The following SRSF3 variants were observed in gnomAD, a reference collection of about 807,000 sequenced individuals.
SRSF3 encodes serine/arginine-rich splicing factor 3.
For missense variants in SRSF3, 58 were observed against 217.1 expected (o/e 0.27, Z 4.61); for synonymous variants, 87 against 73.6 (o/e 1.18, Z -0.93).
intron 4 of SRSF3, 134 bp from the exon 5 acceptor site, chr6:36,601,574 C>T: frequency 1.2e-6 from 1 of 806,140 alleles, no homozygotes; most frequent in South Asian, 1.9e-5. Context: ...AAACTCTTGG[C>T]TTCAAGTGAG....
At chr6:36,597,060 ATCACTGGCCAATTGTATCTTTAGATAC>A in intron 2 of SRSF3, 92 bp downstream of exon 2, 1 of 1,085,234 alleles carries the variant, frequency 9.2e-7, no homozygotes, top group South Asian at 1.3e-5. Flanking sequence ...GGCTTTCCCA[ATCACTGGCCAATTGTATCTTTAGATAC>A]AATTGGGATC....
At chr6:36,595,934 T>A (rs916165338) in intron 1 of SRSF3, among the ~76,000 whole-genome samples, 12 of 151,950 alleles carry the variant, frequency 7.9e-5, no homozygotes, top group African/African-American at 2.9e-4. Flanking sequence ...TATTTGTGGT[T>A]TTTTTTTGGC....
At position 36,596,821 on chromosome 6, in the gene SRSF3, A is replaced by G. The variant is rs757079934; in HGVS notation, c.59A>G (p.Asn20Ser). The change falls in exon 2 of 6, where the codon AAT becomes AGT. Residue 20 changes from asparagine to serine, a missense_variant. By Grantham distance (46) the Asn-to-Ser change is conservative. Coordinates refer to ENST00000373715, the MANE Select transcript of SRSF3 (RefSeq NM_003017.5). Reference sequence around the variant, plus strand: ...GTTTATGTAGGCAATCTTGGAAACAATGGCAACAAGACGGAATTGGAACGG... The same window carrying G: ...GTTTATGTAGGCAATCTTGGAAACAGTGGCAACAAGACGGAATTGGAACGG... ...CKVYVGNLGN[N>S]GNKTELERAF... The G allele has an allele frequency of 2.5e-6, 4 of 1,613,996 alleles. No individual in the cohort carries two copies. The highest frequency in any genetic ancestry group is 1.3e-5 in the African/African-American group (1 of 74,916).
At chr6:36,599,116 T>G in intron 3 of SRSF3, 133 bp downstream of exon 3, 1 of 1,160,702 alleles carries the variant, frequency 8.6e-7, no homozygotes, top group Non-Finnish European at 1.2e-6. Context: ...ATTTGTTGGG[T>G]GTAATTTGGG....
chr6:36,596,834 G>T lies in SRSF3; in HGVS notation c.72G>T (p.Thr24=). 6.2e-7 allele frequency: 1 copy of T among 1,613,996 alleles called. No homozygotes were observed. The highest frequency in any genetic ancestry group is 8.5e-7 in the Non-Finnish European group (1 of 1,180,000). The stretch of plus-strand genomic sequence containing the variant: ...ATCTTGGAAACAATGGCAACAAGAC[G>T]GAATTGGAACGGGCTTTTGGCTACT... ...VGNLGNNGNK[T]ELERAFGYYG... is the part of the protein sequence containing the mutation. Residue 24 remains threonine, a synonymous_variant, in exon 2 of 6, where the codon ACG becomes ACT. Transcript: ENST00000373715.
At position 36,602,159 on chromosome 6, in the gene SRSF3, CTA is replaced by C; in HGVS notation, c.*172_*173del. ...AACAGTGACACAAAGGTGTAATTCTCTATGGTTTGAAATGGATCATACGAGGC... is the reference window on the plus strand; with the variant it reads ...AACAGTGACACAAAGGTGTAATTCTCTGGTTTGAAATGGATCATACGAGGC... On this transcript the variant is annotated 3_prime_UTR_variant, in exon 6 of 6. Coordinates refer to ENST00000373715, the MANE Select transcript of SRSF3 (RefSeq NM_003017.5). 2 of 1,310,866 alleles carry C rather than the reference CTA, an allele frequency of 1.5e-6. No individual in the cohort carries two copies. Among genetic ancestry groups the C allele is most frequent in the South Asian group, 1.7e-5 (1 of 58,710 alleles). 81.2% of individuals were successfully genotyped at this position (1,310,866 alleles called of 1,614,324 possible).
At chr6:36,601,391 G>C in intron 4 of SRSF3, 2 of 619,242 alleles carry the variant, frequency 3.2e-6, no homozygotes, top group South Asian at 4.3e-5. Context: ...CTGTCACCCA[G>C]GCTGGAGTGC....
intron 2 of SRSF3, 44 bp from the exon 3 acceptor site, chr6:36,598,805 C>G (rs1317483996): frequency 6.2e-7 from 1 of 1,602,184 alleles, no homozygotes; most frequent in South Asian, 1.1e-5. Flanking sequence ...ATACGCATGT[C>G]AGAAAGTCAG....
rs1778782258 is a variant in SRSF3 at position 36,604,656 on chromosome 6, C to T, written c.*2667C>T. On this transcript the variant is annotated 3_prime_UTR_variant, in exon 6 of 6. Transcript: ENST00000373715. ...CTGTTAGACTGCTGTCAGTGGCTTT[C>T]ACACAAACCCATATGTGGATGGAAA... 6.1e-6 allele frequency: 1 copy of T among 162,782 alleles called. No individual in the cohort carries two copies. The allele number at this position is 162,782 out of a possible 1,614,324, so 10.1% of individuals were successfully genotyped here.
At chr6:36,600,181 A>G in intron 3 of SRSF3, 6 of 1,065,844 alleles carry the variant, frequency 5.6e-6, no homozygotes, top group Non-Finnish European at 6.9e-6. Context: ...ACTAAATCCA[A>G]CGCAACATCT....
rs1778748192 is a variant in SRSF3, at chr6:36,603,164, T to C, written c.*1175T>C. ...TAAAGTATAGCAGCAACCTGGTTCT[T>C]AAACACAAAGTAAGTTGCCCATTAA... On this transcript the variant is annotated 3_prime_UTR_variant, in exon 6 of 6. Coordinates refer to ENST00000373715, the MANE Select transcript of SRSF3 (RefSeq NM_003017.5). 8.9e-6 allele frequency: 2 copies of C among 224,448 alleles called. No homozygotes were observed. The highest frequency in any genetic ancestry group is 1.8e-5 in the Non-Finnish European group (2 of 112,312). The allele number at this position is 224,448 out of a possible 1,614,324, so 13.9% of individuals were successfully genotyped here.
chr6:36,600,869 G>T, intron 3 of SRSF3: 1 of 287,456 alleles, frequency 3.5e-6, no homozygotes. Context: ...AGTTTGACAT[G>T]AAGTTTTGCA....
At chr6:36,599,060 GT>G (rs1778677154) in intron 3 of SRSF3, 77 bp downstream of exon 3, 2 of 1,537,694 alleles carry the variant, frequency 1.3e-6, no homozygotes, top group African/African-American at 2.8e-5. Context: ...TCTTAAGTTT[GT>G]TGGTGGGTTT....
Position 36,604,883 on chromosome 6 carries a change from C to T in SRSF3, c.*2894C>T, listed in dbSNP as rs1323952265. ...AGAACCACTAGTTTAGTATTTTGTC[C>T]AAGTATGCTTTTTTTCAGAGTTCTG... On this transcript the variant is annotated 3_prime_UTR_variant, in exon 6 of 6. Coordinates refer to ENST00000373715, the MANE Select transcript of SRSF3 (RefSeq NM_003017.5). 6.6e-6 allele frequency: 1 copy of T among 152,102 alleles called. No homozygotes were observed. The highest frequency in any genetic ancestry group is 1.5e-5 in the Non-Finnish European group (1 of 68,032). 9.4% of individuals were successfully genotyped at this position (152,102 alleles called of 1,614,324 possible).
chr6:36,596,380 G>T (rs1023349983), intron 1 of SRSF3, among the ~76,000 whole-genome samples: 2 of 152,202 alleles, frequency 1.3e-5, no homozygotes, highest in Admixed American at 6.5e-5. Flanking sequence ...GTCCCCAACA[G>T]AATTCTCTTC....
At chr6:36,598,231 A>G (rs981292387) in intron 2 of SRSF3, among the ~76,000 whole-genome samples, 2 of 152,218 alleles carry the variant, frequency 1.3e-5, no homozygotes, top group Admixed American at 6.5e-5. Context: ...TTAAATTGCA[A>G]CTGTTAACAA....
chr6:36,601,558 G>A (rs1778716774), intron 4 of SRSF3, 150 bp from the exon 5 acceptor site: 1 of 718,392 alleles, frequency 1.4e-6, no homozygotes. Flanking sequence ...TGTCCAATCT[G>A]TTCTCAAACT....
chr6:36,595,168 G>A (rs1778605522), intron 1 of SRSF3, among the ~76,000 whole-genome samples: 1 of 152,140 alleles, frequency 6.6e-6, no homozygotes, highest in African/African-American at 2.4e-5. Flanking sequence ...TGGTGTTTAT[G>A]GAAAGCACTT....
chr6:36,604,076 G>A lies in SRSF3; in HGVS notation c.*2087G>A, dbSNP rs374843133. On this transcript the variant is annotated 3_prime_UTR_variant, in exon 6 of 6. Coordinates refer to ENST00000373715, the MANE Select transcript of SRSF3 (RefSeq NM_003017.5). ...CTTTAGAACATGGAAATTGTTAAAA[G>A]CTTTGAATTGCACATTTAGATTGTG... The A allele has an allele frequency of 4.4e-6, 1 of 227,290 alleles. No homozygotes were observed. The highest frequency in any genetic ancestry group is 8.7e-6 in the Non-Finnish European group (1 of 114,466). The allele number at this position is 227,290 out of a possible 1,614,324, so 14.1% of individuals were successfully genotyped here.
Sources: allele counts gnomAD v4.1 joint callset (sites outside exome capture counted in the v4.1 genomes callset), GRCh38; gene constraint gnomAD v4.1.1; transcripts MANE v1.5; gene names NCBI Gene and HGNC (gene_info 2026-07-23, HGNC 2026-07-21).